Variants in ANKS1B observed in about 807,000 individuals in gnomAD.
The protein encoded by ANKS1B is ankyrin repeat and sterile alpha motif domain containing 1B.
ANKS1B carries 36 observed loss-of-function variants against 148.3 expected under a neutral mutation model. The observed-to-expected ratio is 0.24, with a 90% CI of 0.19 to 0.32. ANKS1B has a LOEUF of 0.32. Among genes scored for constraint, ANKS1B ranks in the 10% least tolerant of loss-of-function variants. ANKS1B has a pLI of 1.00. For missense variants in ANKS1B, 1,157 were observed against 1,542.6 expected, an observed-to-expected ratio of 0.75 and a Z score of 4.19; for synonymous variants, 542 against 560.8, an observed-to-expected ratio of 0.97 and a Z score of 0.47.
intron 12 of ANKS1B, among the ~76,000 whole-genome samples, chr12:99,327,936 T>C (rs1461257652): frequency 6.6e-6 from 1 of 151,888 alleles, no homozygotes; most frequent in African/African-American, 2.4e-5. Context: ...TATATGATCC[T>C]ATTTTCTGTG....
At chr12:99,718,075 T>A (rs1417466213) in intron 8 of ANKS1B, among the ~76,000 whole-genome samples, 1 of 151,722 alleles carries the variant, frequency 6.6e-6, no homozygotes, top group Non-Finnish European at 1.5e-5. Flanking sequence ...GGCTAATTTT[T>A]TGTATTTTTA....
intron 12 of ANKS1B, among the ~76,000 whole-genome samples, chr12:99,271,902 T>A (rs1029282218): frequency 2.6e-5 from 4 of 151,842 alleles, no homozygotes; most frequent in African/African-American, 9.7e-5. Flanking sequence ...GGTACCACAG[T>A]CCATACTTAC....
intron 8 of ANKS1B, among the ~76,000 whole-genome samples, chr12:99,707,692 G>T (rs942299519): frequency 6.6e-6 from 1 of 151,964 alleles, no homozygotes; most frequent in Admixed American, 6.6e-5. Flanking sequence ...AGAAAGAAAG[G>T]GCAGCAGGGA....
intron 15 of ANKS1B, among the ~76,000 whole-genome samples, chr12:99,127,003 G>A (rs1055188652): frequency 2.0e-5 from 3 of 152,080 alleles, no homozygotes; most frequent in Non-Finnish European, 2.9e-5. Flanking sequence ...CTAACCTTGG[G>A]AGATTATTAG....
intron 9 of ANKS1B, among the ~76,000 whole-genome samples, chr12:99,611,176 G>T (rs551049013): frequency 6.6e-6 from 1 of 152,098 alleles, no homozygotes; most frequent in South Asian, 2.1e-4. Context: ...ACTCGTAATC[G>T]TAATACTATT....
chr12:98,841,792 G>A (rs544600424), intron 17 of ANKS1B, among the ~76,000 whole-genome samples: 71 of 152,128 alleles, frequency 4.7e-4, no homozygotes, highest in African/African-American at 1.7e-3. Flanking sequence ...ATTTCTTATC[G>A]TCCCTTTTCT....
At chr12:99,572,906 T>G (rs1365430011) in intron 9 of ANKS1B, among the ~76,000 whole-genome samples, 1 of 152,084 alleles carries the variant, frequency 6.6e-6, no homozygotes, top group Non-Finnish European at 1.5e-5. Context: ...TTTACATTCT[T>G]ACGGTATATT....
intron 13 of ANKS1B, 58 bp downstream of exon 13, chr12:99,246,217 C>A: frequency 1.5e-6 from 2 of 1,341,644 alleles, no homozygotes; most frequent in Non-Finnish European, 2.0e-6. Flanking sequence ...ATCCTTCCCC[C>A]AAACCTCCCT....
chr12:99,161,671 A>G (rs923192894), intron 14 of ANKS1B, among the ~76,000 whole-genome samples: 6 of 152,256 alleles, frequency 3.9e-5, no homozygotes, highest in African/African-American at 1.4e-4. Context: ...ACAGTTATGA[A>G]GAGCCCTGTT....
At chr12:98,853,195 G>C (rs1320115450) in intron 17 of ANKS1B, among the ~76,000 whole-genome samples, 1 of 152,172 alleles carries the variant, frequency 6.6e-6, no homozygotes, top group Non-Finnish European at 1.5e-5. Context: ...ACCCGGGTTT[G>C]AGGTATGGGG....
intron 12 of ANKS1B, among the ~76,000 whole-genome samples, chr12:99,361,501 G>T (rs953514398): frequency 6.6e-6 from 1 of 152,064 alleles, no homozygotes; most frequent in Non-Finnish European, 1.5e-5. Context: ...AGAAGGAAAA[G>T]TATGTTGAAT....
intron 12 of ANKS1B, among the ~76,000 whole-genome samples, chr12:99,254,697 A>C (rs1052419348): frequency 6.6e-6 from 1 of 152,208 alleles, no homozygotes; most frequent in African/African-American, 2.4e-5. Context: ...TTATCTTCTA[A>C]GGTTGCTGAG....
At chr12:99,846,919 G>A (rs970526539) in intron 1 of ANKS1B, among the ~76,000 whole-genome samples, 4 of 152,030 alleles carry the variant, frequency 2.6e-5, no homozygotes, top group African/African-American at 9.7e-5. Context: ...TCCCATAGGT[G>A]TAGAAGAAAA....
intron 8 of ANKS1B, among the ~76,000 whole-genome samples, chr12:99,658,706 C>G (rs931801923): frequency 2.0e-5 from 3 of 152,114 alleles, no homozygotes; most frequent in Admixed American, 6.5e-5. Flanking sequence ...ATAGTGTAAT[C>G]ATTTCCACTT....
chr12:98,804,419 ATT>A (rs34963949), intron 20 of ANKS1B, among the ~76,000 whole-genome samples: 7,119 of 145,188 alleles, frequency 0.049, 528 homozygotes, highest in African/African-American at 0.17. Flanking sequence ...ACCCCTGCCT[ATT>A]TTTTTTTTTT....
intron 17 of ANKS1B, among the ~76,000 whole-genome samples, chr12:98,941,071 C>T (rs886591446): frequency 1.3e-5 from 2 of 152,110 alleles, no homozygotes; most frequent in African/African-American, 2.4e-5. Context: ...AGGGGAAATA[C>T]AGAGTTAGGC....
intron 17 of ANKS1B, among the ~76,000 whole-genome samples, chr12:98,889,528 T>C (rs2152643496): frequency 6.6e-6 from 1 of 152,240 alleles, no homozygotes; most frequent in South Asian, 2.1e-4. Flanking sequence ...TTGTATTTTT[T>C]GTACAGACTG....
chr12:98,790,262 A>G (rs1484587740), intron 22 of ANKS1B, among the ~76,000 whole-genome samples: 2 of 152,216 alleles, frequency 1.3e-5, no homozygotes, highest in Non-Finnish European at 2.9e-5. Flanking sequence ...AGAAAGGGGT[A>G]GTTGTCAGCA....
intron 6 of ANKS1B, among the ~76,000 whole-genome samples, chr12:99,777,832 C>G (rs529201583): frequency 1.3e-5 from 2 of 151,920 alleles, no homozygotes; most frequent in Admixed American, 1.3e-4. Flanking sequence ...GATCCACCCA[C>G]CTCAGCCTCC....
Sources: gnomAD v4.1 joint callset for allele counts (sites outside exome capture counted in the v4.1 genomes callset) on GRCh38, gnomAD v4.1.1 for gene constraint, MANE v1.5 for transcripts, NCBI Gene and HGNC (gene_info 2026-07-23, HGNC 2026-07-21) for gene names.